AGBL1: variants seen among roughly 807,000 people sequenced by gnomAD.
The protein encoded by AGBL1 is cytosolic carboxypeptidase 4.
Under a neutral mutation model 118.9 loss-of-function variants are expected in AGBL1, and 130 were observed. The ratio of observed to expected loss-of-function variants is 1.09; its 90% CI spans 0.95 to 1.26. The LOEUF is 1.26. Ranked by LOEUF, AGBL1 falls within the 50% of genes most tolerant of loss-of-function variation. AGBL1 has a pLI of 0.00. For missense variants in AGBL1, 1,584 were observed against 1,298.1 expected (o/e 1.22, Z -3.38); for synonymous variants, 555 against 478.9 (o/e 1.16, Z -2.08).
chr15:86,786,023 G>A (rs553493794), intron 22 of AGBL1, among the ~76,000 whole-genome samples: 2 of 152,296 alleles, frequency 1.3e-5, no homozygotes, highest in South Asian at 4.1e-4. Context: ...CACCCACTGG[G>A]TAAATAGTTG....
intron 5 of AGBL1, among the ~76,000 whole-genome samples, chr15:86,220,263 T>C (rs1465073125): frequency 2.0e-5 from 3 of 152,076 alleles, no homozygotes; most frequent in Non-Finnish European, 4.4e-5. Flanking sequence ...ATACTGCCTC[T>C]TGCTAGCTGC....
At chr15:86,509,133 C>T (rs983707858) in intron 18 of AGBL1, among the ~76,000 whole-genome samples, 4 of 152,082 alleles carry the variant, frequency 2.6e-5, no homozygotes, top group South Asian at 2.1e-4. Context: ...AGCCAGAATC[C>T]GGTGACACGC....
At chr15:86,164,945 C>T (rs1298077589) in intron 5 of AGBL1, among the ~76,000 whole-genome samples, 1 of 152,204 alleles carries the variant, frequency 6.6e-6, no homozygotes, top group Non-Finnish European at 1.5e-5. Context: ...ATGCTGGTCT[C>T]ACCCTCACAG....
chr15:86,311,015 G>A (rs1283071425), intron 17 of AGBL1, among the ~76,000 whole-genome samples: 5 of 152,140 alleles, frequency 3.3e-5, no homozygotes, highest in Non-Finnish European at 7.4e-5. Flanking sequence ...TGGGCCCCGC[G>A]CTTCACTCCT....
chr15:86,966,561 T>C (rs1171769764), intron 23 of AGBL1, among the ~76,000 whole-genome samples: 1 of 152,052 alleles, frequency 6.6e-6, no homozygotes, highest in Non-Finnish European at 1.5e-5. Flanking sequence ...CACCTATGAG[T>C]GAGAACATGT....
chr15:86,969,820 A>C (rs2081089498), intron 23 of AGBL1, among the ~76,000 whole-genome samples: 1 of 151,982 alleles, frequency 6.6e-6, no homozygotes, highest in South Asian at 2.1e-4. Context: ...ATTTAAGGAA[A>C]CAGCATGCTA....
intron 6 of AGBL1, among the ~76,000 whole-genome samples, chr15:86,236,288 G>C (rs2078541352): frequency 6.6e-6 from 1 of 151,060 alleles, no homozygotes; most frequent in Admixed American, 6.6e-5. Flanking sequence ...GAGGCACACA[G>C]AGCACTAGAC....
chr15:86,545,757 A>G (rs1187604845), intron 19 of AGBL1, among the ~76,000 whole-genome samples: 1 of 152,128 alleles, frequency 6.6e-6, no homozygotes, highest in South Asian at 2.1e-4. Context: ...TTCGTATTCT[A>G]TTCACTCCTA....
intron 21 of AGBL1, among the ~76,000 whole-genome samples, chr15:86,597,547 G>C (rs1011534096): frequency 6.6e-6 from 1 of 152,126 alleles, no homozygotes. Flanking sequence ...CCATAAAGCA[G>C]TTAAACTCCT....
intron 5 of AGBL1, among the ~76,000 whole-genome samples, chr15:86,200,704 C>T (rs374428584): frequency 1.4e-4 from 22 of 151,784 alleles, no homozygotes; most frequent in African/African-American, 5.3e-4. Context: ...GCAACCTCTG[C>T]CTCCCAGGTT....
At chr15:86,447,949 G>A (rs1226123852) in intron 18 of AGBL1, among the ~76,000 whole-genome samples, 2 of 152,048 alleles carry the variant, frequency 1.3e-5, no homozygotes, top group South Asian at 2.1e-4. Context: ...ATTTGAGATC[G>A]ACATGGGCAA....
chr15:86,430,277 ACGAGGTCAGGAGATCGAGACCATC>A (rs1248531653), intron 18 of AGBL1, among the ~76,000 whole-genome samples: 1 of 152,064 alleles, frequency 6.6e-6, no homozygotes, highest in Non-Finnish European at 1.5e-5. Flanking sequence ...TGGGTGGATC[ACGAGGTCAGGAGATCGAGACCATC>A]CTGGCTAACA....
intron 21 of AGBL1, among the ~76,000 whole-genome samples, chr15:86,657,724 G>A (rs945106529): frequency 1.3e-5 from 2 of 152,196 alleles, no homozygotes; most frequent in South Asian, 4.2e-4. Context: ...TTAAGGTGGT[G>A]GCCTAATCTC....
intron 23 of AGBL1, among the ~76,000 whole-genome samples, chr15:86,950,104 G>T (rs1181063570): frequency 6.6e-6 from 1 of 151,866 alleles, no homozygotes; most frequent in Non-Finnish European, 1.5e-5. Flanking sequence ...ACCAAAAAAT[G>T]CCCTATCAAA....
intron 5 of AGBL1, among the ~76,000 whole-genome samples, chr15:86,200,558 C>T (rs905350623): frequency 5.6e-5 from 8 of 143,832 alleles, no homozygotes; most frequent in African/African-American, 1.8e-4. Context: ...CTACCCCCCC[C>T]CCCCTTTTTT....
At chr15:86,138,591 A>T (rs1330147344) in intron 1 of AGBL1, among the ~76,000 whole-genome samples, 1 of 152,234 alleles carries the variant, frequency 6.6e-6, no homozygotes, top group Non-Finnish European at 1.5e-5. Context: ...AGATGAATGC[A>T]TGAATCATTG....
At chr15:86,601,818 T>C (rs1378077797) in intron 21 of AGBL1, among the ~76,000 whole-genome samples, 1 of 152,188 alleles carries the variant, frequency 6.6e-6, no homozygotes, top group Non-Finnish European at 1.5e-5. Flanking sequence ...CAAATTATCA[T>C]CATTACTCCA....
chr15:86,286,735 G>GTATATA lies in AGBL1; in HGVS notation c.2220+6961_2220+6966dup, dbSNP rs535707426. Among the ~76,000 whole-genome samples the GTATATA allele has an allele frequency of 2.0e-4, 21 of 106,292 alleles. No individual in the cohort carries two copies. In the East Asian group the frequency reaches 4.9e-3, roughly 25 times the overall value. 69.7% of individuals were successfully genotyped at this position (106,292 alleles called of 152,430 possible). A position where few individuals can be genotyped will look rare whatever the true frequency, so the allele number is the denominator to read the frequency against. On this transcript the variant is annotated intron_variant, in intron 16 of 22. Coordinates refer to ENST00000614907, the MANE Select transcript of AGBL1 (RefSeq NM_001386094.1). ...TATATGTGTGTGTGTGTTTGTGTGTGTATATATATATATAAAACTCCATCA... is the reference window on the plus strand; with the variant it reads ...TATATGTGTGTGTGTGTTTGTGTGTGTATATATATATATATATATAAAACTCCATCA...
chr15:86,969,748 G>C (rs1010430120), intron 23 of AGBL1, among the ~76,000 whole-genome samples: 4 of 151,958 alleles, frequency 2.6e-5, no homozygotes, highest in African/African-American at 9.7e-5. Flanking sequence ...CATCAGGGTG[G>C]AAGTGGGAAG....
Sources: allele counts gnomAD v4.1 joint callset (sites outside exome capture counted in the v4.1 genomes callset), GRCh38; gene constraint gnomAD v4.1.1; transcripts MANE v1.5; gene names NCBI Gene and HGNC (gene_info 2026-07-23, HGNC 2026-07-21).